The following RBL1 variants were observed in gnomAD, a reference collection of about 807,000 sequenced individuals.
RBL1 encodes the protein retinoblastoma-like protein 1.
Under a neutral mutation model 123.0 loss-of-function variants are expected in RBL1, and 82 were observed. That is an observed-to-expected ratio of 0.67 (90% CI 0.56 to 0.80). The LOEUF (loss-of-function observed/expected upper bound fraction) is 0.80, where lower values mean the gene tolerates loss of function less well. Among genes scored for constraint, RBL1 ranks in the 30% least tolerant of loss-of-function variants. The pLI, the probability that RBL1 is intolerant of heterozygous loss-of-function variation, is 0.00. For synonymous variants in RBL1, 405 were observed against 441.3 expected (o/e 0.92, Z 1.03); for missense variants, 1,171 against 1,299.6 (o/e 0.90, Z 1.52).
chr20:36,999,460 C>T (rs973390269), intron 21 of RBL1, among the ~76,000 whole-genome samples: 6 of 151,056 alleles, frequency 4.0e-5, no homozygotes, highest in Non-Finnish European at 5.9e-5. Flanking sequence ...CTCCCTCCCT[C>T]CTCTCCCTCT....
intron 16 of RBL1, among the ~76,000 whole-genome samples, chr20:37,029,779 C>T (rs2064478250): frequency 1.3e-5 from 2 of 152,150 alleles, no homozygotes; most frequent in South Asian, 4.1e-4. Flanking sequence ...TCTTGTGTTC[C>T]TTTACATTAA....
At chr20:37,002,183 C>G (rs2063995440) in intron 21 of RBL1, among the ~76,000 whole-genome samples, 1 of 151,580 alleles carries the variant, frequency 6.6e-6, no homozygotes, top group South Asian at 2.1e-4. Flanking sequence ...GCACATGCCA[C>G]CATGCCTGGC....
At chr20:37,093,568 G>A (rs1482431726) in intron 1 of RBL1, among the ~76,000 whole-genome samples, 1 of 152,020 alleles carries the variant, frequency 6.6e-6, no homozygotes, top group Non-Finnish European at 1.5e-5. Context: ...GAGCACAGAA[G>A]TTTGAGTTTA....
intron 19 of RBL1, among the ~76,000 whole-genome samples, chr20:37,012,373 A>G (rs1028579589): frequency 1.2e-4 from 17 of 145,844 alleles, no homozygotes; most frequent in Middle Eastern, 3.7e-3. Flanking sequence ...CAGTCTGGAA[A>G]ATGAGGAGCA....
chr20:37,038,515 G>A (rs2064667065), intron 14 of RBL1, among the ~76,000 whole-genome samples: 1 of 148,504 alleles, frequency 6.7e-6, no homozygotes, highest in Admixed American at 6.8e-5. Flanking sequence ...TGGCCAGGCT[G>A]GTCTTGAACT....
intron 14 of RBL1, among the ~76,000 whole-genome samples, chr20:37,036,550 G>A (rs1243529419): frequency 6.6e-6 from 1 of 151,522 alleles, no homozygotes; most frequent in Non-Finnish European, 1.5e-5. Flanking sequence ...ACAAGCTTCA[G>A]CCACCGTGCC....
Position 37,015,378 on chromosome 20 carries a change from AC to A in RBL1, c.2722+2900del, listed in dbSNP as rs1305771762. On this transcript the variant is annotated intron_variant, in intron 19 of 21. Transcript: ENST00000373664. ...CTGGTTTTGTAGGAACAGAAAAACC[AC>A]CCTGGATAGGTAAGCAACATGTATA... Among the ~76,000 whole-genome samples, 7 of 151,892 alleles carry A rather than the reference AC, an allele frequency of 4.6e-5. 1 individual carries two copies. Among genetic ancestry groups the A allele is most frequent in the Admixed American group, 6.6e-5 (1 of 15,244 alleles).
rs369755282 is a variant in RBL1 at position 37,022,748 on chromosome 20, A to G, written c.2461T>C (p.Trp821Arg). The G allele has an allele frequency of 1.5e-5, 25 of 1,613,786 alleles. No homozygotes were observed. The highest frequency in any genetic ancestry group is 2.2e-5 in the East Asian group (1 of 44,906). ...ACTAAAGTGAATTCAAAACACGTCC[A>G]TATCTTCCTTCGTAACTCATTTGAA... ...DVSNELRRKI[W>R]TCFEFTLVHC... is the part of the protein sequence containing the mutation. Residue 821 changes from tryptophan to arginine, a missense_variant, in exon 17 of 22, where the codon TGG (tryptophan) becomes CGG (arginine). By Grantham distance (101) the Trp-to-Arg change is moderately radical (BLOSUM62 -3). Coordinates refer to ENST00000373664, the MANE Select transcript of RBL1 (RefSeq NM_002895.5).
At chr20:37,084,081 G>T (rs550239156) in intron 2 of RBL1, among the ~76,000 whole-genome samples, 2 of 151,338 alleles carry the variant, frequency 1.3e-5, no homozygotes, top group African/African-American at 4.9e-5. Flanking sequence ...GCTAATCTTT[G>T]TAGAAACAGG....
rs1568816052 is a variant in RBL1, at chr20:37,007,514, A to G, written c.2768T>C (p.Val923Ala). The G allele has an allele frequency of 6.2e-7, 1 of 1,613,772 alleles. No homozygotes were observed. Among genetic ancestry groups the G allele is most frequent in the Non-Finnish European group, 8.5e-7 (1 of 1,179,826 alleles). The change falls in exon 20 of 22, where the codon GTG (valine) becomes GCG (alanine). Residue 923 changes from valine (V) to alanine (A), a missense_variant. Coordinates refer to ENST00000373664, the MANE Select transcript of RBL1 (RefSeq NM_002895.5). Reference protein sequence around the residue: ...TKTPDCSSGPVKEERGDLIKF... With the variant: ...TKTPDCSSGPAKEERGDLIKF... Reference sequence around the variant, plus strand: ...TATAAGATCACCTCTTTCCTCTTTCACTGGTCCACTGGAACAGTCAGGTGT... The same window carrying G: ...TATAAGATCACCTCTTTCCTCTTTCGCTGGTCCACTGGAACAGTCAGGTGT...
intron 2 of RBL1, among the ~76,000 whole-genome samples, chr20:37,074,151 A>AC (rs781446352): frequency 6.6e-6 from 1 of 151,628 alleles, no homozygotes; most frequent in Non-Finnish European, 1.5e-5. Context: ...GGTAGCTTAC[A>AC]CCTGTAATGC....
At chr20:37,053,154 T>C (rs1397179762) in intron 11 of RBL1, among the ~76,000 whole-genome samples, 1 of 152,180 alleles carries the variant, frequency 6.6e-6, no homozygotes, top group Non-Finnish European at 1.5e-5. Context: ...TCAGCAAGAA[T>C]ATAAAATAAC....
Position 37,067,299 on chromosome 20 carries a change from TA to T in RBL1, c.492-3del. ...TCCTTAACACTGCAAGGAATCCTCCTAAAAAGGGAAAAAAATTACTTTTTGT... is the reference window on the plus strand; with the variant it reads ...TCCTTAACACTGCAAGGAATCCTCCTAAAAGGGAAAAAAATTACTTTTTGT... On this transcript the variant is annotated splice_polypyrimidine_tract_variant and splice_region_variant and intron_variant, in intron 3 of 21. Transcript: ENST00000373664. 6.3e-7 allele frequency: 1 copy of T among 1,589,858 alleles called. No homozygotes were observed. The highest frequency in any genetic ancestry group is 1.9e-5 in the Admixed American group (1 of 52,548).
At chr20:37,059,781 T>G (rs998549603) in intron 9 of RBL1, among the ~76,000 whole-genome samples, 1 of 152,108 alleles carries the variant, frequency 6.6e-6, no homozygotes, top group African/African-American at 2.4e-5. Context: ...CTTATTTTAT[T>G]AGGTATTAGG....
intron 2 of RBL1, among the ~76,000 whole-genome samples, chr20:37,079,586 C>T (rs2080963515): frequency 6.6e-6 from 1 of 151,536 alleles, no homozygotes; most frequent in African/African-American, 2.4e-5. Flanking sequence ...CTACCTCAGC[C>T]TCCCAAGATA....
At chr20:37,054,512 TTAAAA>T (rs1212377368) in intron 11 of RBL1, among the ~76,000 whole-genome samples, 1 of 150,766 alleles carries the variant, frequency 6.6e-6, no homozygotes, top group East Asian at 2.0e-4. Context: ...ATTAAAAAAA[TTAAAA>T]TAAATAAAAG....
At chr20:37,003,248 C>T (rs1371108190) in intron 21 of RBL1, among the ~76,000 whole-genome samples, 1 of 152,142 alleles carries the variant, frequency 6.6e-6, no homozygotes. Context: ...CATGTCCATA[C>T]CACATCTTCA....
chr20:37,085,226 G>A (rs2065522062), intron 2 of RBL1, among the ~76,000 whole-genome samples: 1 of 150,320 alleles, frequency 6.7e-6, no homozygotes, highest in African/African-American at 2.5e-5. Flanking sequence ...TCGCCTCCCT[G>A]GGTTCAAGCA....
rs542585996 is a variant in RBL1 at position 37,076,270 on chromosome 20, G to A, written c.291-8084C>T. Reference sequence around the variant, plus strand: ...ATATAGAGTATATATTTTCCTATACGCATATACCTATGATAAAGTTTCATT... The same window carrying A: ...ATATAGAGTATATATTTTCCTATACACATATACCTATGATAAAGTTTCATT... On this transcript the variant is annotated intron_variant, in intron 2 of 21. Coordinates refer to ENST00000373664, the MANE Select transcript of RBL1 (RefSeq NM_002895.5). 3.3e-5 allele frequency among the ~76,000 whole-genome samples: 5 copies of A among 152,234 alleles called. No individual in the cohort carries two copies. In the East Asian group the frequency reaches 7.7e-4, roughly 23 times the overall value.
Sources: gnomAD v4.1 joint callset for allele counts (sites outside exome capture counted in the v4.1 genomes callset) on GRCh38, gnomAD v4.1.1 for gene constraint, MANE v1.5 for transcripts, NCBI Gene and HGNC (gene_info 2026-07-23, HGNC 2026-07-21) for gene names.